The following WASHC3 variants were observed in gnomAD, a reference collection of about 807,000 sequenced individuals.
WASHC3 encodes the protein WASH complex subunit 3.
A neutral mutation model predicts 26.1 loss-of-function variants in WASHC3; 24 were observed. That is an observed-to-expected ratio of 0.92 (90% confidence interval 0.66 to 1.29). The LOEUF (loss-of-function observed/expected upper bound fraction) is 1.29. Ranked by LOEUF, WASHC3 falls within the 50% of genes most tolerant of loss-of-function variation. WASHC3 has a pLI of 0.00. For synonymous variants in WASHC3, 77 were observed against 75.7 expected (o/e 1.02, Z -0.09); for missense variants, 214 against 229.6 (o/e 0.93, Z 0.44).
At chr12:102,047,445 G>T (rs7975259) in intron 2 of WASHC3, among the ~76,000 whole-genome samples, 2,251 of 152,178 alleles carry the variant, frequency 0.015, 56 homozygotes, top group African/African-American at 0.052. Context: ...AAAGTATTAG[G>T]ATCTAGTTTT....
intron 5 of WASHC3, 55 bp from the exon 6 acceptor site, chr12:102,026,093 G>T: frequency 1.1e-6 from 1 of 942,368 alleles, no homozygotes. Flanking sequence ...TTTATATGTC[G>T]ACACATACCA....
intron 2 of WASHC3, among the ~76,000 whole-genome samples, chr12:102,060,967 A>G (rs1425666461): frequency 2.7e-5 from 4 of 149,716 alleles, no homozygotes; most frequent in African/African-American, 9.9e-5. Context: ...AAAAAAAAAA[A>G]AAAAAAAAAA....
At chr12:102,043,418 G>C (rs963455107) in intron 4 of WASHC3, among the ~76,000 whole-genome samples, 1 of 151,850 alleles carries the variant, frequency 6.6e-6, no homozygotes, top group African/African-American at 2.4e-5. Context: ...ACAGGTGCGT[G>C]CCACCACACC....
At chr12:102,041,117 A>G (rs1877919314) in intron 4 of WASHC3, among the ~76,000 whole-genome samples, 1 of 151,520 alleles carries the variant, frequency 6.6e-6, no homozygotes, top group Non-Finnish European at 1.5e-5. Flanking sequence ...ATATATACAT[A>G]TATATACACA....
intron 4 of WASHC3, among the ~76,000 whole-genome samples, chr12:102,042,818 T>C (rs994095997): frequency 6.6e-6 from 1 of 152,238 alleles, no homozygotes; most frequent in South Asian, 2.1e-4. Flanking sequence ...TTTATTTGTT[T>C]ATTATTATTA....
chr12:102,053,873 T>TA (rs776826896), intron 2 of WASHC3, among the ~76,000 whole-genome samples: 9 of 143,900 alleles, frequency 6.3e-5, no homozygotes, highest in Non-Finnish European at 1.2e-4. Flanking sequence ...ACAAAACTAT[T>TA]AAAAATAATA....
chr12:102,032,344 G>A (rs1877471799), intron 5 of WASHC3, among the ~76,000 whole-genome samples: 1 of 152,150 alleles, frequency 6.6e-6, no homozygotes, highest in African/African-American at 2.4e-5. Context: ...TAATGTGGAA[G>A]TCGGACTTGC....
At chr12:102,032,392 G>C (rs1877474707) in intron 5 of WASHC3, among the ~76,000 whole-genome samples, 1 of 152,150 alleles carries the variant, frequency 6.6e-6, no homozygotes, top group Admixed American at 6.5e-5. Context: ...GATTCACCAT[G>C]ATCTGCCAGT....
intron 6 of WASHC3, among the ~76,000 whole-genome samples, chr12:102,023,155 A>AT (rs1324280293): frequency 1.3e-5 from 2 of 152,054 alleles, no homozygotes; most frequent in African/African-American, 2.4e-5. Context: ...TGTAATAGTC[A>AT]TTTTTCTAGG....
chr12:102,058,213 T>G (rs1472577577), intron 2 of WASHC3, among the ~76,000 whole-genome samples: 1 of 152,106 alleles, frequency 6.6e-6, no homozygotes, highest in Non-Finnish European at 1.5e-5. Context: ...GATATCCACA[T>G]GCAGAATGAA....
At chr12:102,014,233 C>T (rs977318828) in intron 6 of WASHC3, among the ~76,000 whole-genome samples, 2 of 151,846 alleles carry the variant, frequency 1.3e-5, no homozygotes, top group African/African-American at 4.8e-5. Context: ...CCACCACGCC[C>T]AGCTAATTTT....
At chr12:102,051,358 A>C (rs1244677611) in intron 2 of WASHC3, among the ~76,000 whole-genome samples, 3 of 152,254 alleles carry the variant, frequency 2.0e-5, no homozygotes, top group Non-Finnish European at 4.4e-5. Context: ...CCTATTAGGC[A>C]CTATTAACAA....
rs867810677 is a variant in WASHC3, at chr12:102,053,166, G to A, written c.151-7047C>T. Among the ~76,000 whole-genome samples the A allele has an allele frequency of 1.8e-4, 28 of 152,064 alleles. No individual in the cohort carries two copies. In the Middle Eastern group the frequency reaches 0.01, roughly 55 times the overall value. On this transcript the variant is annotated intron_variant, in intron 2 of 6. Coordinates refer to ENST00000240079, the MANE Select transcript of WASHC3 (RefSeq NM_016053.4). ...ACTCTGGCTCCAGGTCCACCCCAGG[G>A]GTTCCAAGCACCAGGCCCACCTTGG...
At chr12:102,060,411 C>A (rs1380612564) in intron 2 of WASHC3, among the ~76,000 whole-genome samples, 1 of 152,210 alleles carries the variant, frequency 6.6e-6, no homozygotes, top group Non-Finnish European at 1.5e-5. Context: ...TCCCGAGTAG[C>A]TGGGATTACA....
At chr12:102,058,535 C>T (rs1404151509) in intron 2 of WASHC3, among the ~76,000 whole-genome samples, 2 of 151,932 alleles carry the variant, frequency 1.3e-5, no homozygotes, top group Non-Finnish European at 2.9e-5. Flanking sequence ...GTGAAGAGAA[C>T]CTATGGAATG....
chr12:102,039,229 G>C (rs1349516941), intron 5 of WASHC3, among the ~76,000 whole-genome samples: 1 of 147,892 alleles, frequency 6.8e-6, no homozygotes, highest in Admixed American at 6.9e-5. Flanking sequence ...TCCCACCTCA[G>C]CCTCCCAAAG....
intron 5 of WASHC3, among the ~76,000 whole-genome samples, chr12:102,027,775 G>A (rs1877262713): frequency 6.6e-6 from 1 of 152,082 alleles, no homozygotes; most frequent in East Asian, 1.9e-4. Flanking sequence ...TCTCATGAGA[G>A]GTAGCAAAGG....
intron 6 of WASHC3, 81 bp from the exon 7 acceptor site, chr12:102,013,273 T>A: frequency 2.9e-6 from 2 of 700,918 alleles, no homozygotes; most frequent in Non-Finnish European, 4.9e-6. Flanking sequence ...TGGTTCATCT[T>A]AGAATATTGC....
intron 2 of WASHC3, among the ~76,000 whole-genome samples, chr12:102,049,095 A>T (rs906849655): frequency 1.3e-5 from 2 of 152,240 alleles, no homozygotes; most frequent in African/African-American, 4.8e-5. Flanking sequence ...ACCACTATAA[A>T]ACAAGTTTTT....
Sources: gnomAD v4.1 joint callset for allele counts (sites outside exome capture counted in the v4.1 genomes callset) on GRCh38, gnomAD v4.1.1 for gene constraint, MANE v1.5 for transcripts, NCBI Gene and HGNC (gene_info 2026-07-23, HGNC 2026-07-21) for gene names.